LARGE1: variants seen among roughly 807,000 people sequenced by gnomAD.
LARGE1 encodes xylosyl- and glucuronyltransferase LARGE1.
LARGE1 carries 43 observed loss-of-function variants against 87.6 expected under a neutral mutation model. The ratio of observed to expected loss-of-function variants is 0.49; its 90% confidence interval spans 0.38 to 0.63. The LOEUF (loss-of-function observed/expected upper bound fraction) is 0.63. Ranked by LOEUF, LARGE1 falls within the 30% of genes least tolerant of loss-of-function variation. The pLI is 0.00. For synonymous variants in LARGE1, 434 were observed against 394.6 expected (o/e 1.10, Z -1.18); for missense variants, 802 against 1,000.2 (o/e 0.80, Z 2.67).
chr22:33,437,067 A>G (rs1465053350), intron 6 of LARGE1, among the ~76,000 whole-genome samples: 1 of 152,228 alleles, frequency 6.6e-6, no homozygotes, highest in Non-Finnish European at 1.5e-5. Context: ...ATTTCTGCAT[A>G]AGAATTCTGG....
chr22:33,102,953 T>G, the LARGE1 span, among the ~76,000 whole-genome samples: 2 of 152,124 alleles, frequency 1.3e-5, no homozygotes, highest in East Asian at 3.9e-4. Flanking sequence ...AGAAAAAACT[T>G]CTTCCTTCAT....
At chr22:33,174,325 G>A (rs1167677780) in intron 11 of LARGE1, among the ~76,000 whole-genome samples, 3 of 152,142 alleles carry the variant, frequency 2.0e-5, no homozygotes, top group Admixed American at 6.5e-5. Flanking sequence ...CAGAATCTCT[G>A]AGACATTTAA....
chr22:33,813,059 G>T (rs1049119601), intron 1 of LARGE1, among the ~76,000 whole-genome samples: 1 of 152,002 alleles, frequency 6.6e-6, no homozygotes. Flanking sequence ...ACTGCATTAA[G>T]AAGTGCCACT....
intron 11 of LARGE1, among the ~76,000 whole-genome samples, chr22:33,267,112 C>T (rs1019832234): frequency 1.5e-4 from 23 of 151,454 alleles, no homozygotes; most frequent in East Asian, 1.9e-4. Flanking sequence ...TGGTGGCGTT[C>T]GCCTGTAATC....
At chr22:33,229,509 A>G (rs1925899482) in intron 11 of LARGE1, among the ~76,000 whole-genome samples, 1 of 152,156 alleles carries the variant, frequency 6.6e-6, no homozygotes, top group African/African-American at 2.4e-5. Context: ...AATTGTAAAC[A>G]GTATGGTAGA....
chr22:33,510,076 T>C (rs2070982111), intron 6 of LARGE1, among the ~76,000 whole-genome samples: 1 of 152,178 alleles, frequency 6.6e-6, no homozygotes, highest in Non-Finnish European at 1.5e-5. Flanking sequence ...AGAATAAACC[T>C]GAGAAATGAG....
chr22:33,833,092 C>T lies in LARGE1; in HGVS notation c.-82-71534G>A, dbSNP rs774218023. On this transcript the variant is annotated intron_variant, in intron 1 of 14. Coordinates refer to ENST00000397394, the MANE Select transcript of LARGE1 (RefSeq NM_133642.5). The stretch of plus-strand genomic sequence containing the variant: ...ACTCCAGAACCCCAAGAGCACTGTG[C>T]TCACCAAGCAGATGATGTCTCAGCC... 3.9e-5 allele frequency among the ~76,000 whole-genome samples: 6 copies of T among 152,292 alleles called. No individual in the cohort carries two copies. The Middle Eastern group carries it at 0.01, about 259-fold the overall frequency.
intron 11 of LARGE1, among the ~76,000 whole-genome samples, chr22:33,229,654 C>T (rs1223541772): frequency 6.6e-6 from 1 of 151,824 alleles, no homozygotes; most frequent in African/African-American, 2.4e-5. Flanking sequence ...GGTGCAAGGA[C>T]ATATCTTACA....
At chr22:33,544,417 T>G (rs977017853) in intron 6 of LARGE1, among the ~76,000 whole-genome samples, 3 of 152,176 alleles carry the variant, frequency 2.0e-5, no homozygotes, top group Admixed American at 6.5e-5. Context: ...CCAGGTGCGG[T>G]GGCTCACGCC....
intron 11 of LARGE1, among the ~76,000 whole-genome samples, chr22:33,313,877 A>G (rs1218620826): frequency 2.0e-5 from 3 of 152,236 alleles, no homozygotes; most frequent in Admixed American, 1.3e-4. Context: ...CATAGTGGCC[A>G]CAAGGTAACA....
At chr22:33,089,369 CTCCTTCTTCTTCTTCTTCCTCT>C in the LARGE1 span, among the ~76,000 whole-genome samples, 1 of 58,048 alleles carries the variant, frequency 1.7e-5, no homozygotes, top group African/African-American at 9.9e-5. Flanking sequence ...TCTTCTTCTT[CTCCTTCTTCTTCTTCTTCCTCT>C]TCTTCTTCTT....
intron 11 of LARGE1, among the ~76,000 whole-genome samples, chr22:33,170,559 A>C (rs1257137877): frequency 4.6e-5 from 7 of 152,026 alleles, no homozygotes. Flanking sequence ...AATGAGGGAG[A>C]TATCATAAGA....
intron 9 of LARGE1, among the ~76,000 whole-genome samples, chr22:33,342,180 T>TG (rs908314280): frequency 3.9e-5 from 6 of 152,088 alleles, no homozygotes; most frequent in African/African-American, 1.2e-4. Flanking sequence ...TCACACCCAG[T>TG]GGGGGGATCG....
At position 33,837,070 on chromosome 22, in the gene LARGE1, G is replaced by A. The variant is rs147865908; in HGVS notation, c.-82-75512C>T. On this transcript the variant is annotated intron_variant, in intron 1 of 14. Transcript: ENST00000397394. ...ACCTCCATGTGGGAGAGTGAGCTTC[G>A]CCTCCAGCTAACTCTATAAGATCTG... Among the ~76,000 whole-genome samples the A allele has an allele frequency of 5.3e-4, 80 of 152,164 alleles. 1 individual carries two copies. The highest frequency in any genetic ancestry group is 3.9e-3 in the South Asian group (19 of 4,812).
rs1188977289 is a variant in LARGE1 at position 33,570,769 on chromosome 22, G to T, written c.616-5750C>A. Among the ~76,000 whole-genome samples, 5 of 152,062 alleles carry T rather than the reference G, an allele frequency of 3.3e-5. No individual in the cohort carries two copies. The East Asian group carries it at 9.6e-4, about 29-fold the overall frequency. ...GTTTGAGGAGGAGGAAAAGTGCGTG[G>T]GAGTGATTAGCCATGCAACCTTTTG... On this transcript the variant is annotated intron_variant, in intron 5 of 14. Transcript: ENST00000397394.
chr22:33,532,884 T>C (rs2076939186), intron 6 of LARGE1, among the ~76,000 whole-genome samples: 1 of 152,168 alleles, frequency 6.6e-6, no homozygotes, highest in South Asian at 2.1e-4. Flanking sequence ...TTACTTGAAA[T>C]GGCCACTGAG....
intron 9 of LARGE1, among the ~76,000 whole-genome samples, chr22:33,377,027 A>T (rs2065014542): frequency 6.6e-6 from 1 of 152,230 alleles, no homozygotes; most frequent in South Asian, 2.1e-4. Context: ...TGGCACTGAG[A>T]GACATGAAAA....
intron 7 of LARGE1, among the ~76,000 whole-genome samples, chr22:33,415,732 T>C (rs1227038164): frequency 6.6e-6 from 1 of 152,112 alleles, no homozygotes; most frequent in African/African-American, 2.4e-5. Context: ...AGCTTCTGCA[T>C]ATGTTTCAAC....
At chr22:33,289,962 G>C (rs117030299) in intron 12 of LARGE1, among the ~76,000 whole-genome samples, 2 of 152,278 alleles carry the variant, frequency 1.3e-5, no homozygotes, top group East Asian at 3.9e-4. Flanking sequence ...TGAGTGAGCA[G>C]TGAGGCTTCC....
Sources: gnomAD v4.1 joint callset for allele counts (sites outside exome capture counted in the v4.1 genomes callset) on GRCh38, gnomAD v4.1.1 for gene constraint, MANE v1.5 for transcripts, NCBI Gene and HGNC (gene_info 2026-07-23, HGNC 2026-07-21) for gene names.